Variants in ROCK2 observed in about 807,000 individuals in gnomAD.
ROCK2 encodes rho-associated protein kinase 2.
In ROCK2, 61 loss-of-function variants were observed where a neutral mutation model predicts 195.1. That is an observed-to-expected ratio of 0.31 (90% CI 0.25 to 0.39). The LOEUF (loss-of-function observed/expected upper bound fraction) is 0.39, where lower values mean the gene tolerates loss of function less well. ROCK2 is among the 10% of genes least tolerant of loss of function. The probability of loss-of-function intolerance (pLI) is 1.00; values close to 1 mark genes in which losing one functional copy is unlikely to be tolerated. For missense variants in ROCK2, 1,109 were observed against 1,637.4 expected, an observed-to-expected ratio of 0.68 and a Z score of 5.57; for synonymous variants, 504 against 545.5, an observed-to-expected ratio of 0.92 and a Z score of 1.06.
At chr2:11,247,463 T>C (rs535843192) in intron 4 of ROCK2, among the ~76,000 whole-genome samples, 4 of 152,338 alleles carry the variant, frequency 2.6e-5, no homozygotes, top group Admixed American at 6.5e-5. Flanking sequence ...AGGCCACAAT[T>C]ATAATCGGAT....
chr2:11,322,535 G>A (rs533351680), intron 1 of ROCK2, among the ~76,000 whole-genome samples: 1 of 151,866 alleles, frequency 6.6e-6, no homozygotes, highest in East Asian at 1.9e-4. Context: ...TCCAAAGCAT[G>A]GTGACTGCCA....
In ROCK2 at chr2:11,235,584, C is replaced by CT; in HGVS notation, c.723+117dup. ...AAGTTGGTTATATCTTGTTTGGGTG[C>CT]TATACAGTTATGAAAACTAAATTTA... On this transcript the variant is annotated intron_variant, in intron 5 of 32. Transcript: ENST00000315872. The surrounding 1 kb of genome is among the most constrained non-coding windows in gnomAD (Gnocchi z 4.2). 1 of 1,010,700 alleles carries CT rather than the reference C, an allele frequency of 9.9e-7. No individual in the cohort carries two copies. The highest frequency in any genetic ancestry group is 1.5e-6 in the Non-Finnish European group (1 of 687,076). 62.6% of individuals were successfully genotyped at this position (1,010,700 alleles called of 1,614,324 possible).
In ROCK2 at chr2:11,192,464, T is replaced by C; in HGVS notation, c.3936A>G (p.Ile1312Met). ...TTTATCATTTACCTTTGCAAGGTGC[T>C]ATAATCTCCTCCTTTTTGTCCATAT... is the stretch of plus-strand genomic sequence containing the variant. ...KDHMDKKEEI[I>M]APCKVYYDIS... is the part of the protein sequence containing the mutation. Residue 1312 changes from isoleucine (I) to methionine (M), a missense_variant, in exon 31 of 33, where the codon ATA (isoleucine) becomes ATG (methionine). Ile to Met is a conservative substitution (Grantham distance 10). Coordinates refer to ENST00000315872, the MANE Select transcript of ROCK2 (RefSeq NM_004850.5). This position sits in a 1 kb window ranked among gnomAD's most constrained non-coding sequence, Gnocchi z 5.0. 1 of 1,614,146 alleles carries C rather than the reference T, an allele frequency of 6.2e-7. No homozygotes were observed. Among genetic ancestry groups the C allele is most frequent in the East Asian group, 2.2e-5 (1 of 44,880 alleles).
intron 3 of ROCK2, among the ~76,000 whole-genome samples, chr2:11,266,152 A>G (rs1051786750): frequency 3.3e-5 from 5 of 152,192 alleles, no homozygotes; most frequent in African/African-American, 1.2e-4. Context: ...TGGAGCTGGC[A>G]TTTCCTATGG....
Position 11,197,199 on chromosome 2 carries a change from C to T in ROCK2, c.3429G>A (p.Glu1143=). 6.2e-7 allele frequency: 1 copy of T among 1,604,222 alleles called. No homozygotes were observed. The highest frequency in any genetic ancestry group is 8.5e-7 in the Non-Finnish European group (1 of 1,176,986). Residue 1143 remains glutamate (E), a synonymous_variant, in exon 27 of 33, where the codon GAG becomes GAA. Coordinates refer to ENST00000315872, the MANE Select transcript of ROCK2 (RefSeq NM_004850.5). The surrounding 1 kb of genome is among the most constrained non-coding windows in gnomAD (Gnocchi z 4.9). The stretch of plus-strand genomic sequence containing the variant: ...CCATACCTGGAAACCCATCATCTGC[C>T]TCAGCATCCCCTGGTCCACTGCCTA... ...SSIGSGPGDA[E]ADDGFPESRL...
chr2:11,261,030 A>G (rs1030020412), intron 3 of ROCK2, among the ~76,000 whole-genome samples: 3 of 152,264 alleles, frequency 2.0e-5, no homozygotes, highest in Non-Finnish European at 4.4e-5. Flanking sequence ...TGGCTGGCAC[A>G]ATGCTAAATT....
intron 12 of ROCK2, 129 bp downstream of exon 12, chr2:11,216,961 A>C (rs1664454689): frequency 2.0e-6 from 1 of 506,204 alleles, no homozygotes; most frequent in Non-Finnish European, 3.6e-6. Context: ...TGACCTCGTG[A>C]TCCACCCACC....
At chr2:11,196,590 T>TG (rs1215972422) in intron 27 of ROCK2, among the ~76,000 whole-genome samples, 4 of 152,186 alleles carry the variant, frequency 2.6e-5, no homozygotes, top group Non-Finnish European at 5.9e-5. Context: ...TTAGAGTTAG[T>TG]GGTTATTAGT....
intron 3 of ROCK2, among the ~76,000 whole-genome samples, chr2:11,284,355 GATGTACACCACC>G (rs1371129619): frequency 2.0e-5 from 3 of 152,100 alleles, no homozygotes; most frequent in African/African-American, 7.2e-5. Flanking sequence ...AAACCTATAG[GATGTACACCACC>G]ATGAGCAAGC....
intron 20 of ROCK2, among the ~76,000 whole-genome samples, chr2:11,202,344 T>C (rs1039718280): frequency 1.5e-4 from 23 of 152,126 alleles, no homozygotes; most frequent in African/African-American, 5.3e-4. Context: ...TGACTTGTAA[T>C]TACATCATTC....
intron 3 of ROCK2, among the ~76,000 whole-genome samples, chr2:11,282,607 CA>C (rs70953381): frequency 6.1e-4 from 75 of 123,328 alleles, no homozygotes; most frequent in Non-Finnish European, 6.7e-4. Context: ...TATCTACATG[CA>C]AAAAAAAAAA....
At chr2:11,224,211 C>T (rs1572266636) in intron 7 of ROCK2, 111 bp downstream of exon 7, 1 of 1,023,156 alleles carries the variant, frequency 9.8e-7, no homozygotes. Context: ...TTAGATGCTA[C>T]TTGGGTAATG....
At chr2:11,248,795 G>A (rs1370400613) in intron 4 of ROCK2, among the ~76,000 whole-genome samples, 1 of 148,882 alleles carries the variant, frequency 6.7e-6, no homozygotes, top group African/African-American at 2.5e-5. Flanking sequence ...CAAATAAAAG[G>A]CAAAATTAGG....
Position 11,197,451 on chromosome 2 carries a change from G to A in ROCK2, c.3279+75C>T. On this transcript the variant is annotated intron_variant, in intron 26 of 32. Transcript: ENST00000315872. The surrounding 1 kb of genome is among the most constrained non-coding windows in gnomAD (Gnocchi z 4.9). ...ATTAAATAGAAATGGTCTATAACCA[G>A]TAAAACACAGACATGAAAATAATTC... 1.3e-6 allele frequency: 2 copies of A among 1,539,542 alleles called. No homozygotes were observed. Among genetic ancestry groups the A allele is most frequent in the Non-Finnish European group, 8.8e-7 (1 of 1,132,418 alleles).
intron 32 of ROCK2, among the ~76,000 whole-genome samples, chr2:11,187,110 G>T (rs981920186): frequency 6.6e-5 from 10 of 152,184 alleles, no homozygotes; most frequent in African/African-American, 2.4e-4. Flanking sequence ...ACCCGTGCCA[G>T]TTTGGCAGGT....
intron 18 of ROCK2, among the ~76,000 whole-genome samples, chr2:11,209,563 T>C (rs1664178816): frequency 6.6e-6 from 1 of 152,218 alleles, no homozygotes; most frequent in Non-Finnish European, 1.5e-5. Flanking sequence ...TTCTTTATAC[T>C]TTCCTGTGTT....
intron 1 of ROCK2, among the ~76,000 whole-genome samples, chr2:11,300,658 G>A (rs995598285): frequency 2.6e-5 from 4 of 152,150 alleles, no homozygotes; most frequent in African/African-American, 9.7e-5. Context: ...AAAATGGAAA[G>A]GCAATAAAGT....
At chr2:11,202,583 C>T (rs1046152117) in intron 20 of ROCK2, among the ~76,000 whole-genome samples, 6 of 151,938 alleles carry the variant, frequency 3.9e-5, no homozygotes, top group Non-Finnish European at 5.9e-5. Flanking sequence ...CTAAAAGTTC[C>T]GCCTCCCGGG....
At chr2:11,226,912 G>GAAAAA (rs36080073) in intron 6 of ROCK2, among the ~76,000 whole-genome samples, 1 of 100,800 alleles carries the variant, frequency 9.9e-6, no homozygotes, top group African/African-American at 4.0e-5. Flanking sequence ...CCCTGCCTCA[G>GAAAAA]AAAAAAAAAA....
Sources: allele counts gnomAD v4.1 joint callset (sites outside exome capture counted in the v4.1 genomes callset), GRCh38; gene constraint gnomAD v4.1.1; non-coding constraint Gnocchi (gnomAD v3.1); transcripts MANE v1.5; gene names NCBI Gene and HGNC (gene_info 2026-07-23, HGNC 2026-07-21).